DZIP3: variants seen among roughly 807,000 people sequenced by gnomAD.
The protein encoded by DZIP3 is E3 ubiquitin-protein ligase DZIP3.
DZIP3 carries 118 observed loss-of-function variants against 162.0 expected under a neutral mutation model. The observed-to-expected ratio is 0.73, with a 90% CI of 0.63 to 0.85. The LOEUF (loss-of-function observed/expected upper bound fraction) is 0.85, where lower values mean the gene tolerates loss of function less well. Among genes scored for constraint, DZIP3 ranks in the 40% least tolerant of loss-of-function variants. DZIP3 has a pLI of 0.00. For missense variants in DZIP3, 1,331 were observed against 1,407.0 expected, an observed-to-expected ratio of 0.95 and a Z score of 0.86; for synonymous variants, 438 against 458.6, an observed-to-expected ratio of 0.96 and a Z score of 0.57.
chr3:108,677,095 A>G (rs1038296671), intron 25 of DZIP3, among the ~76,000 whole-genome samples: 29 of 152,122 alleles, frequency 1.9e-4, no homozygotes, highest in African/African-American at 5.5e-4. Flanking sequence ...ATTTGCAAGT[A>G]GTTTAACTGC....
intron 25 of DZIP3, among the ~76,000 whole-genome samples, chr3:108,676,738 G>A (rs1198527215): frequency 6.6e-6 from 1 of 151,984 alleles, no homozygotes; most frequent in African/African-American, 2.4e-5. Context: ...GATGCTTAGC[G>A]TTTCTGTTGG....
chr3:108,675,696 A>G (rs1184750107), intron 24 of DZIP3, 90 bp from the exon 25 acceptor site: 1 of 1,118,396 alleles, frequency 8.9e-7, no homozygotes, highest in East Asian at 2.8e-5. Flanking sequence ...TTTTGTTGAC[A>G]TATATGCTAG....
chr3:108,625,068 A>T (rs898479169), intron 6 of DZIP3, among the ~76,000 whole-genome samples: 1 of 152,180 alleles, frequency 6.6e-6, no homozygotes, highest in African/African-American at 2.4e-5. Flanking sequence ...AAACATTTCT[A>T]TTTTAAATAC....
intron 1 of DZIP3, among the ~76,000 whole-genome samples, chr3:108,603,624 T>C (rs1158925345): frequency 6.6e-6 from 1 of 152,210 alleles, no homozygotes; most frequent in Non-Finnish European, 1.5e-5. Flanking sequence ...TTAAGAGATA[T>C]TAGAAGAAAG....
chr3:108,615,597 G>A (rs910782896), intron 4 of DZIP3, among the ~76,000 whole-genome samples: 2 of 152,162 alleles, frequency 1.3e-5, no homozygotes, highest in African/African-American at 4.8e-5. Context: ...TTATGGAAGT[G>A]TAGATTAAAT....
At chr3:108,679,647 T>C (rs766672177) in intron 26 of DZIP3, among the ~76,000 whole-genome samples, 8 of 152,110 alleles carry the variant, frequency 5.3e-5, no homozygotes, top group Non-Finnish European at 1.0e-4. Context: ...GTACCTACAA[T>C]GGAAGTACAC....
Position 108,662,196 on chromosome 3 carries a change from A to G in DZIP3, c.2362A>G (p.Lys788Glu). Residue 788 changes from lysine (K) to glutamate (E), a missense_variant, in exon 21 of 33, where the codon AAA becomes GAA. By Grantham distance (56) the Lys-to-Glu change is moderately conservative. Coordinates refer to ENST00000361582, the MANE Select transcript of DZIP3 (RefSeq NM_014648.4). ...WQENQMQIKK[K>E]DKIIASLNQQ... ...AGAAAACCAAATGCAGATTAAAAAG[A>G]AAGACAAAATTATCGCATCTCTTAA... 3.7e-6 allele frequency: 6 copies of G among 1,610,476 alleles called. 1 individual carries two copies. In the South Asian group the frequency reaches 4.5e-5, roughly 12 times the overall value.
chr3:108,597,030 C>A (rs960048953), intron 1 of DZIP3, among the ~76,000 whole-genome samples: 4 of 152,082 alleles, frequency 2.6e-5, no homozygotes, highest in African/African-American at 7.2e-5. Flanking sequence ...CTGATTCTAC[C>A]CCTTATGCAG....
chr3:108,631,053 A>ACTCTCTCTCTCTCT (rs1559741298), intron 8 of DZIP3, among the ~76,000 whole-genome samples: 23 of 32,288 alleles, frequency 7.1e-4, no homozygotes, highest in Admixed American at 1.4e-3. Context: ...ACACACACAC[A>ACTCTCTCTCTCTCT]CACTCTCTCT....
At chr3:108,616,241 G>A (rs532780105) in intron 4 of DZIP3, among the ~76,000 whole-genome samples, 1 of 151,332 alleles carries the variant, frequency 6.6e-6, no homozygotes, top group East Asian at 2.0e-4. Flanking sequence ...TCCAGCCAGG[G>A]CGACAGAGCG....
chr3:108,644,376 C>T lies in DZIP3; in HGVS notation c.1354C>T (p.Leu452Phe). 1.9e-6 allele frequency: 3 copies of T among 1,614,102 alleles called. No homozygotes were observed. Among genetic ancestry groups the T allele is most frequent in the Non-Finnish European group, 2.5e-6 (3 of 1,179,984 alleles). ...TCCTTTGGGTGGATCATGGCATCTG[C>T]TTTATCCTCCTAACAAGGAGTTACC... The part of the protein sequence containing the change: ...NHPLGGSWHL[L>F]YPPNKELPQS... Residue 452 changes from leucine to phenylalanine, a missense_variant, in exon 14 of 33, where the codon CTT (leucine) becomes TTT (phenylalanine). By Grantham distance (22) the Leu-to-Phe change is conservative. This residue lies in a region of DZIP3 where 1,278 missense variants were observed against 1,317.1 expected (regional missense o/e 0.97). Transcript: ENST00000361582.
At chr3:108,665,762 T>C (rs1270344173) in intron 21 of DZIP3, among the ~76,000 whole-genome samples, 2 of 152,236 alleles carry the variant, frequency 1.3e-5, no homozygotes, top group African/African-American at 4.8e-5. Flanking sequence ...TGACAACAGA[T>C]TTTTCGTTTG....
intron 8 of DZIP3, among the ~76,000 whole-genome samples, chr3:108,629,879 A>C (rs1941755852): frequency 6.6e-6 from 1 of 151,846 alleles, no homozygotes; most frequent in African/African-American, 2.4e-5. Context: ...ATTTTGGCAT[A>C]ATAATGTATT....
intron 26 of DZIP3, among the ~76,000 whole-genome samples, chr3:108,680,053 A>G (rs1944249310): frequency 6.6e-6 from 1 of 152,158 alleles, no homozygotes; most frequent in African/African-American, 2.4e-5. Context: ...CCATATGATC[A>G]TTTCAATAGA....
chr3:108,652,817 C>A (rs1431753397), intron 18 of DZIP3, among the ~76,000 whole-genome samples: 1 of 152,002 alleles, frequency 6.6e-6, no homozygotes, highest in South Asian at 2.1e-4. Flanking sequence ...CGTGTTACAA[C>A]TGCCTATCGT....
At chr3:108,637,350 T>A in intron 11 of DZIP3, 146 bp from the exon 12 acceptor site, 1 of 761,842 alleles carries the variant, frequency 1.3e-6, no homozygotes. Context: ...TATTTATTAC[T>A]TACCTTGTTA....
At position 108,661,921 on chromosome 3, in the gene DZIP3, G is replaced by A; in HGVS notation, c.2244G>A (p.Lys748=). 1.9e-6 allele frequency: 3 copies of A among 1,613,972 alleles called. No individual in the cohort carries two copies. The highest frequency in any genetic ancestry group is 2.5e-6 in the Non-Finnish European group (3 of 1,179,934). Reference sequence around the variant, plus strand: ...CTACAGACTATGGAGAAACTGAAAAGGAAAGGCTTGCTCGTCAAAGGCAGC... The same window carrying A: ...CTACAGACTATGGAGAAACTGAAAAAGAAAGGCTTGCTCGTCAAAGGCAGC... The part of the protein sequence containing the change: ...KVTTDYGETE[K]ERLARQRQLY... Residue 748 remains lysine, a synonymous_variant, in exon 20 of 33, where the codon AAG becomes AAA. Transcript: ENST00000361582.
intron 21 of DZIP3, among the ~76,000 whole-genome samples, chr3:108,664,958 G>A (rs759002037): frequency 3.0e-4 from 45 of 152,250 alleles, no homozygotes; most frequent in Non-Finnish European, 5.9e-5. Context: ...TCAGTGCAAA[G>A]CCATGCATAC....
chr3:108,672,634 C>A lies in DZIP3; in HGVS notation c.2567C>A (p.Thr856Asn). 1 of 1,611,720 alleles carries A rather than the reference C, an allele frequency of 6.2e-7. No individual in the cohort carries two copies. Among genetic ancestry groups the A allele is most frequent in the South Asian group, 1.1e-5 (1 of 90,970 alleles). Reference protein sequence around the residue: ...KTYVSKLNAETSRALTAEVYF... With the variant: ...KTYVSKLNAENSRALTAEVYF... ...TACGTAAGCAAACTGAACGCAGAAACTAGCAGAGCTTTAACAGCCGAGGTA... is the reference window on the plus strand; with the variant it reads ...TACGTAAGCAAACTGAACGCAGAAAATAGCAGAGCTTTAACAGCCGAGGTA... Residue 856 changes from threonine to asparagine, a missense_variant, in exon 23 of 33, where the codon ACT (threonine) becomes AAT (asparagine). Thr to Asn is a moderately conservative substitution (Grantham distance 65, BLOSUM62 0). Around this residue, in one of 2 missense-constraint regions of DZIP3, gnomAD observed 1,278 missense variants for 1,317.1 expected, o/e 0.97. Coordinates refer to ENST00000361582, the MANE Select transcript of DZIP3 (RefSeq NM_014648.4).
Sources: allele counts gnomAD v4.1 joint callset (sites outside exome capture counted in the v4.1 genomes callset), GRCh38; gene constraint gnomAD v4.1.1; regional missense constraint gnomAD v4.1.1; transcripts MANE v1.5; gene names NCBI Gene and HGNC (gene_info 2026-07-23, HGNC 2026-07-21).